Variants in HSPG2 observed in about 807,000 individuals in gnomAD.
The protein encoded by HSPG2 is basement membrane-specific heparan sulfate proteoglycan core protein.
In HSPG2, 278 loss-of-function variants were observed where a neutral mutation model predicts 526.6. That is an observed-to-expected ratio of 0.53 (90% CI 0.48 to 0.58). HSPG2 has a LOEUF of 0.58. HSPG2 is among the 20% of genes least tolerant of loss of function. The pLI is 0.00. For missense variants in HSPG2, 5,354 were observed against 6,099.5 expected (o/e 0.88, Z 4.07); for synonymous variants, 2,465 against 2,555.4 (o/e 0.96, Z 1.07).
At chr1:21,913,280 C>G (rs1049531224) in intron 1 of HSPG2, among the ~76,000 whole-genome samples, 29 of 152,172 alleles carry the variant, frequency 1.9e-4, no homozygotes, top group African/African-American at 6.5e-4. Flanking sequence ...GTCTCAACCT[C>G]TGGCACCCAG....
chr1:21,853,557 C>T (rs1273174371), intron 50 of HSPG2: 2 of 173,276 alleles, frequency 1.2e-5, no homozygotes, highest in African/African-American at 2.4e-5. Context: ...TCCTGGCTAA[C>T]ACGGTGAAAC....
At position 21,831,790 on chromosome 1, in the gene HSPG2, A is replaced by G. The variant is rs751524286; in HGVS notation, c.11214T>C (p.Asp3738=). 4.1e-5 allele frequency: 65 copies of G among 1,600,360 alleles called. No homozygotes were observed. Among genetic ancestry groups the G allele is most frequent in the Non-Finnish European group, 5.4e-5 (63 of 1,170,886 alleles). The stretch of plus-strand genomic sequence containing the variant: ...GGATGGTGGCCATGCCTGAGCCTGC[A>G]TCGAACCTGCTCCGTGGGGCAGGCC... The part of the protein sequence containing the change: ...LVGGRPEFRF[D]AGSGMATIRH... Residue 3738 remains aspartate, a synonymous_variant, in exon 82 of 97, where the codon GAT becomes GAC. Coordinates refer to ENST00000374695, the MANE Select transcript of HSPG2 (RefSeq NM_005529.7).
rs1446026074 is a variant in HSPG2 at position 21,830,023 on chromosome 1, G to C, written c.11740C>G (p.Leu3914Val). The change falls in exon 86 of 97, where the codon CTG becomes GTG. Residue 3914 changes from leucine to valine, a missense_variant. Leu to Val is a conservative substitution (Grantham distance 32). Coordinates refer to ENST00000374695, the MANE Select transcript of HSPG2 (RefSeq NM_005529.7). ...DGRGYTCRCH[L>V]GRSGLRCEEG... The stretch of plus-strand genomic sequence containing the variant: ...TCACACCGCAACCCCGAGCGGCCCA[G>C]GTGGCAGCGGCAGGTGTAGCCTCGA... The C allele has an allele frequency of 6.2e-7, 1 of 1,610,906 alleles. No individual in the cohort carries two copies.
Position 21,874,653 on chromosome 1 carries a change from T to A in HSPG2, c.3491A>T (p.His1164Leu). 1.2e-6 allele frequency: 2 copies of A among 1,613,282 alleles called. No individual in the cohort carries two copies. The change falls in exon 27 of 97, where the codon CAC becomes CTC. Residue 1164 changes from histidine to leucine, a missense_variant. By Grantham distance (99) the His-to-Leu change is moderately conservative. Coordinates refer to ENST00000374695, the MANE Select transcript of HSPG2 (RefSeq NM_005529.7). ...GTCERCSCHGHSEACEPETGA... is the reference protein window; with the variant it reads ...GTCERCSCHGLSEACEPETGA... ...TGTTTCTGGCTCGCAGGCCTCTGAG[T>A]GGCCATGGCAGCTGCAGCGTTCACA...
In HSPG2 at chr1:21,831,077, C is replaced by T; in HGVS notation, c.11576G>A (p.Cys3859Tyr). 10 of 1,600,204 alleles carry T rather than the reference C, an allele frequency of 6.2e-6. No individual in the cohort carries two copies. Among genetic ancestry groups the T allele is most frequent in the Non-Finnish European group, 8.5e-6 (10 of 1,173,534 alleles). ...GTAGCTGCTGCTCTCAGAGTCATGG[C>T]ACTGACCGCCATTCTGCAAAGCAGC... The part of the protein sequence containing the change: ...RDRPCQNGGQ[C>Y]HDSESSSYVC... The change falls in exon 85 of 97, where the codon TGC becomes TAC. Residue 3859 changes from cysteine to tyrosine, a missense_variant. By Grantham distance (194) the Cys-to-Tyr change is radical. Coordinates refer to ENST00000374695, the MANE Select transcript of HSPG2 (RefSeq NM_005529.7).
At chr1:21,829,153 G>A in intron 87 of HSPG2, 74 bp from the exon 88 acceptor site, 1 of 1,502,190 alleles carries the variant, frequency 6.7e-7, no homozygotes, top group Non-Finnish European at 8.9e-7. Context: ...CACAAACAGG[G>A]CCCTGAGCAG....
intron 1 of HSPG2, among the ~76,000 whole-genome samples, chr1:21,924,338 T>C (rs1300069799): frequency 6.6e-6 from 1 of 152,138 alleles, no homozygotes; most frequent in Non-Finnish European, 1.5e-5. Context: ...TCGTAAGCTA[T>C]AAGTGCCCAA....
At position 21,880,534 on chromosome 1, in the gene HSPG2, C is replaced by T. The variant is rs143119915; in HGVS notation, c.2024G>A (p.Arg675Gln). The T allele has an allele frequency of 3.3e-4, 526 of 1,613,602 alleles. No individual in the cohort carries two copies. In the African/African-American group the frequency reaches 6.1e-3, roughly 19 times the overall value. The change falls in exon 16 of 97, where the codon CGG becomes CAG. Residue 675 changes from arginine to glutamine, a missense_variant. Transcript: ENST00000374695. ...CAGCAGCTCCGCGCGCTGCACCGGC[C>T]GGCCAGACTCATGGACCCAGTGCTC... Reference protein sequence around the residue: ...SEEHWVHESGRPVQRAELLQV... With the variant: ...SEEHWVHESGQPVQRAELLQV...
intron 53 of HSPG2, 70 bp from the exon 54 acceptor site, chr1:21,851,996 C>A (rs1638942539): frequency 5.0e-6 from 8 of 1,609,974 alleles, no homozygotes; most frequent in Non-Finnish European, 6.8e-6. Flanking sequence ...CGCTGTCCCC[C>A]CGATCTAGGA....
intron 49 of HSPG2, 22 bp from the exon 50 acceptor site, chr1:21,854,365 G>A (rs896326070): frequency 1.3e-6 from 2 of 1,560,096 alleles, no homozygotes; most frequent in African/African-American, 2.7e-5. Context: ...GGAGCCAGAG[G>A]TACGTGAGGA....
chr1:21,935,223 G>T (rs1644458612), intron 1 of HSPG2, among the ~76,000 whole-genome samples: 1 of 152,168 alleles, frequency 6.6e-6, no homozygotes, highest in African/African-American at 2.4e-5. Context: ...TTTTTAAAAA[G>T]AATTTTATAA....
intron 91 of HSPG2, among the ~76,000 whole-genome samples, chr1:21,826,221 C>T (rs1432927266): frequency 6.6e-6 from 1 of 152,084 alleles, no homozygotes; most frequent in Non-Finnish European, 1.5e-5. Context: ...AGCCATGTGC[C>T]ACCACACCCA....
At chr1:21,842,699 T>A in intron 67 of HSPG2, 71 bp downstream of exon 67, 1 of 1,596,944 alleles carries the variant, frequency 6.3e-7, no homozygotes, top group Non-Finnish European at 8.6e-7. Flanking sequence ...TTGCATGAGG[T>A]TTGGGTACAG....
rs138459752 is a variant in HSPG2 at position 21,860,220 on chromosome 1, G to A, written c.4971C>T (p.Tyr1657=). 1.9e-4 allele frequency: 308 copies of A among 1,613,558 alleles called. No homozygotes were observed. The highest frequency in any genetic ancestry group is 8.2e-4 in the Middle Eastern group (5 of 6,062). Residue 1657 remains tyrosine (Y), a synonymous_variant, in exon 40 of 97, where the codon TAC becomes TAT. Transcript: ENST00000374695. ...GQYCEQCGPG[Y]VGNPSVQGGQ... ...CCCCTTGCACACTGGGGTTACCCACGTAACCTGGGCCACACCTGTAAGGGG... is the reference window on the plus strand; with the variant it reads ...CCCCTTGCACACTGGGGTTACCCACATAACCTGGGCCACACCTGTAAGGGG...
chr1:21,920,009 C>T lies in HSPG2; in HGVS notation c.63+17146G>A, dbSNP rs187461133. ...GCAACTGCCGCCTCCCGGGTTCAAG[C>T]GATTCTACTGCTTCAGCCTCCCAGG... On this transcript the variant is annotated intron_variant, in intron 1 of 96. Coordinates refer to ENST00000374695, the MANE Select transcript of HSPG2 (RefSeq NM_005529.7). 1.4e-3 allele frequency among the ~76,000 whole-genome samples: 214 copies of T among 152,320 alleles called. 1 individual carries two copies. Among genetic ancestry groups the T allele is most frequent in the African/African-American group, 4.7e-3 (195 of 41,564 alleles).
In HSPG2 at chr1:21,884,604, G is replaced by C; in HGVS notation, c.1578C>G (p.Ile526Met). The C allele has an allele frequency of 6.2e-7, 1 of 1,611,026 alleles. No homozygotes were observed. The highest frequency in any genetic ancestry group is 1.1e-5 in the South Asian group (1 of 91,000). Residue 526 changes from isoleucine (I) to methionine (M), a missense_variant, in exon 13 of 97, where the codon ATC becomes ATG. Transcript: ENST00000374695. The part of the protein sequence containing the change: ...AACLPCFCFG[I>M]TSVCQSTRRF... The stretch of plus-strand genomic sequence containing the variant: ...GGCGGGTGCTCTGGCACACGCTGGT[G>C]ATGCCAAAGCAGAAGCAGGGCAGGC...
rs1641362992 is a variant in HSPG2 at position 21,879,844 on chromosome 1, G to A, written c.2343+263C>T. Reference sequence around the variant, plus strand: ...ATTTTTGTATTTTTAGTAGAAATGGGGTTTCACCATGTTGGCCAGGCTGGT... The same window carrying A: ...ATTTTTGTATTTTTAGTAGAAATGGAGTTTCACCATGTTGGCCAGGCTGGT... On this transcript the variant is annotated intron_variant, in intron 17 of 96. Transcript: ENST00000374695. 2.0e-5 allele frequency among the ~76,000 whole-genome samples: 3 copies of A among 152,160 alleles called. No homozygotes were observed. The South Asian group carries it at 6.2e-4, about 32-fold the overall frequency.
Position 21,884,541 on chromosome 1 carries a change from G to A in HSPG2, c.1641C>T (p.Pro547=), listed in dbSNP as rs1243393154. The A allele has an allele frequency of 7.4e-6, 12 of 1,611,238 alleles. No homozygotes were observed. The highest frequency in any genetic ancestry group is 2.2e-5 in the East Asian group (1 of 44,884). Residue 547 remains proline, a synonymous_variant, in exon 13 of 97, where the codon CCC becomes CCT. Coordinates refer to ENST00000374695, the MANE Select transcript of HSPG2 (RefSeq NM_005529.7). The stretch of plus-strand genomic sequence containing the variant: ...CCGCCAACGCACCCTTGAAGTCATC[G>A]GGTTGGTCAAAGCGCAGCCTGATCT... ...RDQIRLRFDQ[P]DDFKGVNVTM...
In HSPG2 at chr1:21,854,923, C is replaced by T. The variant is rs554214201; in HGVS notation, c.6058G>A (p.Ala2020Thr). Reference protein sequence around the residue: ...LLIPAITTADAGFYLCVATSP... With the variant: ...LLIPAITTADTGFYLCVATSP... Reference sequence around the variant, plus strand: ...GTGGCCACGCAGAGGTAGAAGCCGGCGTCAGCAGTCGTGATGGCTGGGATG... The same window carrying T: ...GTGGCCACGCAGAGGTAGAAGCCGGTGTCAGCAGTCGTGATGGCTGGGATG... The change falls in exon 48 of 97, where the codon GCC becomes ACC. Residue 2020 changes from alanine (A) to threonine (T), a missense_variant. Physicochemically the swap from Ala to Thr is moderately conservative, Grantham distance 58 (BLOSUM62 0). Transcript: ENST00000374695. 2.6e-5 allele frequency: 42 copies of T among 1,614,082 alleles called. No individual in the cohort carries two copies. Among genetic ancestry groups the T allele is most frequent in the South Asian group, 1.3e-4 (12 of 91,086 alleles).
Sources: allele counts gnomAD v4.1 joint callset (sites outside exome capture counted in the v4.1 genomes callset), GRCh38; gene constraint gnomAD v4.1.1; transcripts MANE v1.5; gene names NCBI Gene and HGNC (gene_info 2026-07-23, HGNC 2026-07-21).